METAP2: variants seen among roughly 807,000 people sequenced by gnomAD.
METAP2 encodes the protein methionyl aminopeptidase 2.
A neutral mutation model predicts 59.4 loss-of-function variants in METAP2; 25 were observed. The observed-to-expected ratio is 0.42, with a 90% CI of 0.31 to 0.59. METAP2 has a LOEUF of 0.59. Ranked by LOEUF, METAP2 falls within the 20% of genes least tolerant of loss-of-function variation. The pLI is 0.16. For missense variants in METAP2, 366 were observed against 581.2 expected, an observed-to-expected ratio of 0.63 and a Z score of 3.81; for synonymous variants, 214 against 194.1, an observed-to-expected ratio of 1.10 and a Z score of -0.85.
chr12:95,515,771 T>G lies in METAP2; in HGVS notation c.*1867T>G, dbSNP rs922077415. 1 of 152,226 alleles carries G rather than the reference T, an allele frequency of 6.6e-6. No homozygotes were observed. The highest frequency in any genetic ancestry group is 1.5e-5 in the Non-Finnish European group (1 of 68,048). The allele number at this position is 152,226 out of a possible 1,614,324, so 9.4% of individuals were successfully genotyped here. ...TTTGTTATGTTTACAACGATGTACC[T>G]TATTGGCAACAAGTTATTAGTTTGA... On this transcript the variant is annotated 3_prime_UTR_variant, in exon 11 of 11. Coordinates refer to ENST00000323666, the MANE Select transcript of METAP2 (RefSeq NM_006838.4).
chr12:95,511,419 G>A (rs1232650979), intron 8 of METAP2, among the ~76,000 whole-genome samples: 8 of 106,374 alleles, frequency 7.5e-5, no homozygotes, highest in Admixed American at 4.1e-4. Flanking sequence ...TTTTTGAGAC[G>A]GAGTTGCTTT....
chr12:95,504,197 G>T lies in METAP2; in HGVS notation c.964+36G>T. On this transcript the variant is annotated intron_variant, in intron 8 of 10. Transcript: ENST00000323666. ...TTAAAATATATCTTATTTTGAAATT[G>T]ATTTTACAAACTATTGTCGAGTGTT... 4 of 1,394,992 alleles carry T rather than the reference G, an allele frequency of 2.9e-6. No individual in the cohort carries two copies. The South Asian group carries it at 3.6e-5, about 13-fold the overall frequency. The allele number at this position is 1,394,992 out of a possible 1,614,324, so 86.4% of individuals were successfully genotyped here.
chr12:95,512,064 G>A, intron 9 of METAP2, 66 bp downstream of exon 9: 7 of 1,144,378 alleles, frequency 6.1e-6, no homozygotes, highest in Non-Finnish European at 9.1e-6. Context: ...GAAGGTCATG[G>A]TAGTTAAATA....
rs561899877 is a variant in METAP2, at chr12:95,497,972, C to CAA, written c.867+1885_867+1886dup. ...GAAACCCCGTCTCTACTAAAAATAC[C>CAA]AAAAAAAAAAAATAGCTGGGTGTGG... On this transcript the variant is annotated intron_variant, in intron 7 of 10. Transcript: ENST00000323666. 1.7e-3 allele frequency among the ~76,000 whole-genome samples: 236 copies of CAA among 141,426 alleles called. 2 individuals carry two copies. The highest frequency in any genetic ancestry group is 5.8e-3 in the African/African-American group (224 of 38,932). 92.8% of individuals were successfully genotyped at this position (141,426 alleles called of 152,430 possible).
At chr12:95,480,416 G>A (rs909099908) in intron 2 of METAP2, among the ~76,000 whole-genome samples, 3 of 152,202 alleles carry the variant, frequency 2.0e-5, no homozygotes, top group South Asian at 2.1e-4. Context: ...CATATGGTAA[G>A]TATGTGTTTA....
chr12:95,481,647 A>G (rs2140140095), intron 2 of METAP2, among the ~76,000 whole-genome samples: 1 of 152,362 alleles, frequency 6.6e-6, no homozygotes, highest in South Asian at 2.1e-4. Context: ...ATTAGCCTCA[A>G]AAGGATGAAA....
At chr12:95,492,961 A>G (rs2076250011) in intron 4 of METAP2, among the ~76,000 whole-genome samples, 1 of 152,244 alleles carries the variant, frequency 6.6e-6, no homozygotes, top group Admixed American at 6.5e-5. Context: ...ACATGTTGCA[A>G]TAAAATTTTA....
At chr12:95,500,212 A>G (rs2076305249) in intron 7 of METAP2, among the ~76,000 whole-genome samples, 1 of 149,448 alleles carries the variant, frequency 6.7e-6, no homozygotes, top group African/African-American at 2.5e-5. Flanking sequence ...CAGATTGTTC[A>G]TTGTTAGTAT....
At chr12:95,506,490 G>A (rs1181637430) in intron 8 of METAP2, among the ~76,000 whole-genome samples, 1 of 151,618 alleles carries the variant, frequency 6.6e-6, no homozygotes. Flanking sequence ...TAGTAGAGAC[G>A]GGGTTTCACT....
At chr12:95,509,072 T>A (rs2076382768) in intron 8 of METAP2, among the ~76,000 whole-genome samples, 1 of 152,096 alleles carries the variant, frequency 6.6e-6, no homozygotes, top group Non-Finnish European at 1.5e-5. Flanking sequence ...GCAATAGAAT[T>A]AAAAAGTGAT....
intron 8 of METAP2, among the ~76,000 whole-genome samples, chr12:95,509,635 C>G (rs1186955459): frequency 6.6e-6 from 1 of 152,008 alleles, no homozygotes; most frequent in Non-Finnish European, 1.5e-5. Context: ...CATGGCTTTC[C>G]CTAGCTCTGT....
At chr12:95,507,571 CT>C (rs1296609054) in intron 8 of METAP2, among the ~76,000 whole-genome samples, 1 of 152,204 alleles carries the variant, frequency 6.6e-6, no homozygotes, top group Non-Finnish European at 1.5e-5. Context: ...ACAGTATTTT[CT>C]TTAAAATTTT....
chr12:95,500,926 T>C (rs568150751), intron 7 of METAP2, among the ~76,000 whole-genome samples: 13 of 150,868 alleles, frequency 8.6e-5, no homozygotes, highest in South Asian at 4.2e-4. Flanking sequence ...TTTAGAAAAG[T>C]TTGAGGAGGT....
At chr12:95,484,667 A>G (rs2140142452) in intron 3 of METAP2, 1 of 301,004 alleles carries the variant, frequency 3.3e-6, no homozygotes, top group East Asian at 1.0e-4. Context: ...TCCTCTGAGG[A>G]TGTTGTTGAA....
chr12:95,485,226 G>A (rs2076187256), intron 3 of METAP2, among the ~76,000 whole-genome samples: 1 of 152,138 alleles, frequency 6.6e-6, no homozygotes, highest in African/African-American at 2.4e-5. Context: ...TCAAGTCATA[G>A]CTAATAAGTG....
chr12:95,493,741 TA>T (rs1395460376), intron 4 of METAP2, among the ~76,000 whole-genome samples: 1 of 152,234 alleles, frequency 6.6e-6, no homozygotes, highest in Non-Finnish European at 1.5e-5. Context: ...TTTTCCTACT[TA>T]CTCTGATTCT....
intron 2 of METAP2, among the ~76,000 whole-genome samples, chr12:95,479,576 A>T (rs1321459576): frequency 2.0e-5 from 3 of 151,960 alleles, no homozygotes; most frequent in Non-Finnish European, 2.9e-5. Context: ...AGTCAGGCTC[A>T]TTAACATATA....
chr12:95,514,933 A>C lies in METAP2; in HGVS notation c.*1029A>C, dbSNP rs2076435550. On this transcript the variant is annotated 3_prime_UTR_variant, in exon 11 of 11. Coordinates refer to ENST00000323666, the MANE Select transcript of METAP2 (RefSeq NM_006838.4). Reference sequence around the variant, plus strand: ...TATTTCAGGAAGTGACGTTACAGTTACTTTCCTTATAGCGGCTAAGTGTAT... The same window carrying C: ...TATTTCAGGAAGTGACGTTACAGTTCCTTTCCTTATAGCGGCTAAGTGTAT... 1 of 152,538 alleles carries C rather than the reference A, an allele frequency of 6.6e-6. No individual in the cohort carries two copies. The highest frequency in any genetic ancestry group is 1.5e-5 in the Non-Finnish European group (1 of 68,042). 9.4% of individuals were successfully genotyped at this position (152,538 alleles called of 1,614,324 possible). A position where few individuals can be genotyped will look rare whatever the true frequency, so the allele number is the denominator to read the frequency against.
intron 8 of METAP2, among the ~76,000 whole-genome samples, chr12:95,509,510 G>T (rs909374152): frequency 6.6e-6 from 1 of 152,204 alleles, no homozygotes; most frequent in Non-Finnish European, 1.5e-5. Context: ...CAGTTGTTGG[G>T]CAGATGTCCT....
Sources: allele counts gnomAD v4.1 joint callset (sites outside exome capture counted in the v4.1 genomes callset), GRCh38; gene constraint gnomAD v4.1.1; transcripts MANE v1.5; gene names NCBI Gene and HGNC (gene_info 2026-07-23, HGNC 2026-07-21).